Variants in DSCAML1 observed in about 807,000 individuals in gnomAD.
The protein encoded by DSCAML1 is cell adhesion molecule DSCAML1.
In DSCAML1, 38 loss-of-function variants were observed where a neutral mutation model predicts 200.5. The observed-to-expected ratio is 0.19, with a 90% CI of 0.15 to 0.25. The LOEUF is 0.25. Among genes scored for constraint, DSCAML1 ranks in the 10% least tolerant of loss-of-function variants. The pLI is 1.00. For synonymous variants in DSCAML1, 1,215 were observed against 1,165.0 expected (o/e 1.04, Z -0.87); for missense variants, 2,223 against 2,858.8 (o/e 0.78, Z 5.07).
intron 1 of DSCAML1, among the ~76,000 whole-genome samples, chr11:117,783,621 A>G (rs2055300770): frequency 6.6e-6 from 1 of 152,080 alleles, no homozygotes; most frequent in South Asian, 2.1e-4. Context: ...CATTTTACTG[A>G]TAAGGAAATT....
intron 3 of DSCAML1, among the ~76,000 whole-genome samples, chr11:117,549,492 A>G (rs1378844262): frequency 6.6e-6 from 1 of 152,240 alleles, no homozygotes; most frequent in South Asian, 2.1e-4. Context: ...GTGACCTTGC[A>G]CAGGTTACTT....
chr11:117,726,486 C>A (rs1591444860), intron 3 of DSCAML1, among the ~76,000 whole-genome samples: 1 of 152,040 alleles, frequency 6.6e-6, no homozygotes, highest in East Asian at 1.9e-4. Context: ...GTGGGTAACT[C>A]CTGACCTAAG....
At chr11:117,544,392 A>G (rs1366762722) in intron 3 of DSCAML1, among the ~76,000 whole-genome samples, 3 of 152,086 alleles carry the variant, frequency 2.0e-5, no homozygotes, top group Non-Finnish European at 4.4e-5. Flanking sequence ...TTTCCTCCCA[A>G]GCTATTTGTG....
chr11:117,585,406 C>G (rs11216462), intron 3 of DSCAML1, among the ~76,000 whole-genome samples: 79,093 of 151,746 alleles, frequency 0.52, 21,066 homozygotes, highest in Non-Finnish European at 0.57. Flanking sequence ...CCCACCACCA[C>G]GCCCAGCTAA....
intron 3 of DSCAML1, among the ~76,000 whole-genome samples, chr11:117,540,504 A>G (rs1276205539): frequency 6.6e-6 from 1 of 152,078 alleles, no homozygotes; most frequent in African/African-American, 2.4e-5. Flanking sequence ...GAACTTAAAC[A>G]TGACTGAACT....
At chr11:117,778,422 G>A (rs776930443) in intron 2 of DSCAML1, among the ~76,000 whole-genome samples, 3 of 152,138 alleles carry the variant, frequency 2.0e-5, no homozygotes, top group Non-Finnish European at 4.4e-5. Flanking sequence ...AATGGCTAAC[G>A]GCATCTAACA....
chr11:117,766,624 G>A (rs2054901815), intron 3 of DSCAML1, among the ~76,000 whole-genome samples: 1 of 152,216 alleles, frequency 6.6e-6, no homozygotes, highest in African/African-American at 2.4e-5. Flanking sequence ...TGCTTGCTCT[G>A]TGTCCACCGC....
intron 3 of DSCAML1, among the ~76,000 whole-genome samples, chr11:117,736,835 G>A (rs943070464): frequency 3.9e-5 from 6 of 152,218 alleles, no homozygotes; most frequent in Non-Finnish European, 8.8e-5. Context: ...GAACAACTGT[G>A]AATTGTAGGT....
At chr11:117,537,993 G>A (rs2050199351) in intron 3 of DSCAML1, among the ~76,000 whole-genome samples, 1 of 152,204 alleles carries the variant, frequency 6.6e-6, no homozygotes, top group African/African-American at 2.4e-5. Flanking sequence ...GAGAGGGCCA[G>A]TCTTCTCTCA....
intron 8 of DSCAML1, among the ~76,000 whole-genome samples, chr11:117,513,296 C>T (rs1411020697): frequency 6.6e-6 from 1 of 152,198 alleles, no homozygotes; most frequent in African/African-American, 2.4e-5. Context: ...GGCCCCTGGG[C>T]TGGGCAGAGA....
intron 8 of DSCAML1, among the ~76,000 whole-genome samples, chr11:117,514,006 T>G (rs900019477): frequency 6.6e-6 from 1 of 152,146 alleles, no homozygotes; most frequent in African/African-American, 2.4e-5. Flanking sequence ...TCCAGTGATA[T>G]CACATGCTTG....
In DSCAML1 at chr11:117,570,922, T is replaced by G. The variant is rs377318109; in HGVS notation, c.512-38400A>C. ...GCTCAAAGACGAATCAGGATCCAGC[T>G]CTCTGCCAGCCTGGCCCCACGCCAG... On this transcript the variant is annotated intron_variant, in intron 3 of 32. Transcript: ENST00000651296. 7.9e-5 allele frequency among the ~76,000 whole-genome samples: 12 copies of G among 152,334 alleles called. No individual in the cohort carries two copies. The East Asian group carries it at 1.9e-3, about 24-fold the overall frequency.
chr11:117,450,603 G>A lies in DSCAML1; in HGVS notation c.3654C>T (p.Asn1218=), dbSNP rs143014037. The A allele has an allele frequency of 2.7e-5, 43 of 1,614,102 alleles. No homozygotes were observed. Among genetic ancestry groups the A allele is most frequent in the African/African-American group, 2.4e-4 (18 of 74,942 alleles). Residue 1218 remains asparagine, a synonymous_variant, in exon 20 of 33, where the codon AAC becomes AAT. Coordinates refer to ENST00000651296, the MANE Select transcript of DSCAML1 (RefSeq NM_020693.4). ...AGATGGTGTACTTGCGGATCACCCC[G>A]TTGGGCTTGGTAGGGGGGAGCCAAG... is the stretch of plus-strand genomic sequence containing the variant. ...VVSWLPPTKP[N]GVIRKYTIFC...
chr11:117,487,927 G>T (rs866310689), intron 11 of DSCAML1, among the ~76,000 whole-genome samples: 1 of 152,216 alleles, frequency 6.6e-6, no homozygotes. Flanking sequence ...ACAGAAAGGA[G>T]TCAATTAAGG....
chr11:117,587,129 C>CT (rs397954266), intron 3 of DSCAML1, among the ~76,000 whole-genome samples: 1 of 152,056 alleles, frequency 6.6e-6, no homozygotes, highest in Non-Finnish European at 1.5e-5. Context: ...CTGCTGCCCC[C>CT]TCAGAGATGG....
At chr11:117,742,041 C>A (rs1201596112) in intron 3 of DSCAML1, among the ~76,000 whole-genome samples, 1 of 152,222 alleles carries the variant, frequency 6.6e-6, no homozygotes, top group Non-Finnish European at 1.5e-5. Context: ...CTCCTCAGCT[C>A]CAACACCTGA....
chr11:117,455,459 G>C (rs576587103), intron 19 of DSCAML1, among the ~76,000 whole-genome samples: 15 of 152,296 alleles, frequency 9.8e-5, no homozygotes, highest in African/African-American at 2.6e-4. Flanking sequence ...AGTCAGCTTT[G>C]CATGTGGAGG....
chr11:117,512,761 T>TCACACACACACA (rs71037482), intron 8 of DSCAML1, among the ~76,000 whole-genome samples: 26 of 113,148 alleles, frequency 2.3e-4, no homozygotes, highest in Admixed American at 5.2e-4. Context: ...TCCTCTAGGA[T>TCACACACACACA]CACACACACA....
At chr11:117,495,482 A>G (rs1296194723) in intron 11 of DSCAML1, among the ~76,000 whole-genome samples, 1 of 152,126 alleles carries the variant, frequency 6.6e-6, no homozygotes, top group Non-Finnish European at 1.5e-5. Context: ...TTCTAGGCGA[A>G]TCTGCACTCA....
Sources: gnomAD v4.1 joint callset for allele counts (sites outside exome capture counted in the v4.1 genomes callset) on GRCh38, gnomAD v4.1.1 for gene constraint, MANE v1.5 for transcripts, NCBI Gene and HGNC (gene_info 2026-07-23, HGNC 2026-07-21) for gene names.